The following CCDC38 variants were observed in gnomAD, a reference collection of about 807,000 sequenced individuals.
The protein encoded by CCDC38 is coiled-coil domain-containing protein 38.
Under a neutral mutation model 72.8 loss-of-function variants are expected in CCDC38, and 69 were observed. The observed-to-expected ratio is 0.95, with a 90% CI of 0.78 to 1.16. CCDC38 has a LOEUF of 1.16. Ranked by LOEUF, CCDC38 falls within the 50% of genes most tolerant of loss-of-function variation. The pLI, the probability that CCDC38 is intolerant of heterozygous loss-of-function variation, is 0.00. For missense variants in CCDC38, 626 were observed against 638.9 expected (o/e 0.98, Z 0.22); for synonymous variants, 201 against 213.2 (o/e 0.94, Z 0.50).
chr12:95,936,284 G>A lies in CCDC38; in HGVS notation c.37+189C>T, dbSNP rs575683101. 5.3e-4 allele frequency among the ~76,000 whole-genome samples: 81 copies of A among 152,060 alleles called. No homozygotes were observed. In the South Asian group the frequency reaches 8.3e-3, roughly 16 times the overall value. ...ATCTGGCTAAATATGACAATTTAAT[G>A]CACCCTCTGATTTGAAGATTTTTTT... On this transcript the variant is annotated intron_variant, in intron 2 of 15. Transcript: ENST00000344280.
rs182381089 is a variant in CCDC38, at chr12:95,879,489, G to A, written c.1142+155C>T. Among the ~76,000 whole-genome samples, 115 of 152,220 alleles carry A rather than the reference G, an allele frequency of 7.6e-4. 2 individuals carry two copies. Among genetic ancestry groups the A allele is most frequent in the Admixed American group, 7.1e-3 (109 of 15,286 alleles). ...AAGCCAGTCTATTCTGTGTAAATAC[G>A]ACGTCTACGTTTTGCACTCCACAAT... On this transcript the variant is annotated intron_variant, in intron 12 of 15. Coordinates refer to ENST00000344280, the MANE Select transcript of CCDC38 (RefSeq NM_182496.3). This position sits in a 1 kb window ranked among gnomAD's most constrained non-coding sequence, Gnocchi z 5.5.
At chr12:95,920,731 G>T (rs2080195832) in intron 2 of CCDC38, among the ~76,000 whole-genome samples, 1 of 152,098 alleles carries the variant, frequency 6.6e-6, no homozygotes, top group African/African-American at 2.4e-5. Flanking sequence ...TGGCTGAGGG[G>T]TGCAGGTTTC....
intron 1 of CCDC38, among the ~76,000 whole-genome samples, chr12:95,937,346 A>T (rs1019654511): frequency 6.6e-6 from 1 of 152,124 alleles, no homozygotes; most frequent in Non-Finnish European, 1.5e-5. Flanking sequence ...TTATATATTT[A>T]AAATAGTGAA....
Position 95,936,483 on chromosome 12 carries a change from C to T in CCDC38, c.27G>A (p.Leu9=). 6.2e-7 allele frequency: 1 copy of T among 1,612,562 alleles called. No homozygotes were observed. The highest frequency in any genetic ancestry group is 8.5e-7 in the Non-Finnish European group (1 of 1,179,688). ...TTGATTTCTTTTTACCTCCAGAATT[C>T]AGTGTTGGCAATAAATTTGAGGACA... MSSNLLPT[L]NSGGKVKDGS... is the part of the protein sequence containing the mutation. Residue 9 remains leucine (L), a synonymous_variant, in exon 2 of 16, where the codon CTG becomes CTA. Coordinates refer to ENST00000344280, the MANE Select transcript of CCDC38 (RefSeq NM_182496.3).
intron 8 of CCDC38, among the ~76,000 whole-genome samples, chr12:95,892,081 C>CTTTTTTT (rs67478657): frequency 9.2e-5 from 9 of 97,992 alleles, no homozygotes; most frequent in African/African-American, 1.4e-4. Flanking sequence ...GATCACTCTG[C>CTTTTTTT]TTTTTTTTTT....
chr12:95,871,979 CA>C (rs2121410005), intron 14 of CCDC38, among the ~76,000 whole-genome samples: 1 of 152,246 alleles, frequency 6.6e-6, no homozygotes, highest in South Asian at 2.1e-4. Context: ...TTGTCCATCC[CA>C]AACTAGGTCA....
chr12:95,941,009 A>G, intron 1 of CCDC38, among the ~76,000 whole-genome samples: 1 of 152,214 alleles, frequency 6.6e-6, no homozygotes, highest in Non-Finnish European at 1.5e-5. Context: ...GGTTATTACC[A>G]AGGAAAAATG....
chr12:95,923,177 G>A (rs538396048), intron 2 of CCDC38, among the ~76,000 whole-genome samples: 10 of 152,200 alleles, frequency 6.6e-5, no homozygotes, highest in African/African-American at 2.4e-4. Flanking sequence ...GGCTTTCTGA[G>A]TCTGACTGAA....
At chr12:95,893,283 TTTTC>T (rs1473991102) in intron 8 of CCDC38, among the ~76,000 whole-genome samples, 1 of 151,780 alleles carries the variant, frequency 6.6e-6, no homozygotes, top group African/African-American at 2.4e-5. Context: ...TCCTCATATA[TTTTC>T]TTTCTTTTCT....
At chr12:95,887,967 G>A (rs2079778925) in intron 10 of CCDC38, among the ~76,000 whole-genome samples, 1 of 152,072 alleles carries the variant, frequency 6.6e-6, no homozygotes, top group Admixed American at 6.6e-5. Flanking sequence ...CCCTTCCTCT[G>A]GGCTGGTGTA....
intron 7 of CCDC38, among the ~76,000 whole-genome samples, chr12:95,895,661 G>A (rs550849434): frequency 6.7e-6 from 1 of 150,154 alleles, no homozygotes; most frequent in Admixed American, 6.7e-5. Context: ...GCTGAGGCAG[G>A]AGAATCGCTT....
At chr12:95,930,670 C>A (rs908413829) in intron 2 of CCDC38, among the ~76,000 whole-genome samples, 1 of 152,124 alleles carries the variant, frequency 6.6e-6, no homozygotes, top group African/African-American at 2.4e-5. Context: ...GTGGAAATAT[C>A]TTTTGGAGTC....
intron 13 of CCDC38, among the ~76,000 whole-genome samples, chr12:95,875,871 TAA>T (rs1193864865): frequency 3.3e-5 from 5 of 152,198 alleles, no homozygotes; most frequent in Non-Finnish European, 7.3e-5. Flanking sequence ...GCCTCAATGT[TAA>T]AGAGTATCAA....
At chr12:95,934,595 G>T (rs1349185411) in intron 2 of CCDC38, 1 of 151,598 alleles carries the variant, frequency 6.6e-6, no homozygotes, top group African/African-American at 2.4e-5. Context: ...ATTAAAAAAG[G>T]CATCATCCAA....
chr12:95,924,361 A>G (rs1290496897), intron 2 of CCDC38, among the ~76,000 whole-genome samples: 1 of 146,622 alleles, frequency 6.8e-6, no homozygotes, highest in Non-Finnish European at 1.5e-5. Context: ...GTGTCTGTTC[A>G]TGTCCTTCAC....
chr12:95,925,745 C>A (rs1028911989), intron 2 of CCDC38, among the ~76,000 whole-genome samples: 1 of 151,842 alleles, frequency 6.6e-6, no homozygotes, highest in Non-Finnish European at 1.5e-5. Context: ...GAGTTTTTAG[C>A]CTGAAGGGTT....
intron 10 of CCDC38, among the ~76,000 whole-genome samples, chr12:95,886,201 A>C (rs531516529): frequency 1.1e-4 from 16 of 152,342 alleles, no homozygotes; most frequent in African/African-American, 3.4e-4. Flanking sequence ...CAAAGGTGCA[A>C]AAGCAATTCA....
Position 95,930,380 on chromosome 12 carries a change from G to A in CCDC38, c.37+6093C>T, listed in dbSNP as rs565383858. 2.0e-4 allele frequency among the ~76,000 whole-genome samples: 31 copies of A among 152,156 alleles called. 1 individual carries two copies. The South Asian group carries it at 6.2e-3, about 31-fold the overall frequency. ...TTGGTTCCTTCTGGAGGCTCTGAGG[G>A]GGAATCTATTCCATGACTTTAACCT... On this transcript the variant is annotated intron_variant, in intron 2 of 15. Coordinates refer to ENST00000344280, the MANE Select transcript of CCDC38 (RefSeq NM_182496.3).
At chr12:95,868,084 T>C (rs530861621) in intron 15 of CCDC38, among the ~76,000 whole-genome samples, 35 of 152,196 alleles carry the variant, frequency 2.3e-4, no homozygotes, top group Admixed American at 1.5e-3. Flanking sequence ...AGATCTTTGG[T>C]AACATTTGTT....
Sources: gnomAD v4.1 joint callset for allele counts (sites outside exome capture counted in the v4.1 genomes callset) on GRCh38, gnomAD v4.1.1 for gene constraint, Gnocchi (gnomAD v3.1) non-coding constraint, MANE v1.5 for transcripts, NCBI Gene and HGNC (gene_info 2026-07-23, HGNC 2026-07-21) for gene names.